The following DOCK5 variants were observed in gnomAD, a reference collection of about 807,000 sequenced individuals.
DOCK5 encodes dedicator of cytokinesis 5, also known as dedicator of cytokinesis protein 5.
In DOCK5, 142 loss-of-function variants were observed where a neutral mutation model predicts 251.8. The observed-to-expected ratio is 0.56, with a 90% CI of 0.49 to 0.65. DOCK5 has a LOEUF of 0.65. Among genes scored for constraint, DOCK5 ranks in the 30% least tolerant of loss-of-function variants. The probability of loss-of-function intolerance (pLI) is 0.00; values close to 1 mark genes in which losing one functional copy is unlikely to be tolerated. For missense variants in DOCK5, 2,111 were observed against 2,312.3 expected, an observed-to-expected ratio of 0.91 and a Z score of 1.79; for synonymous variants, 842 against 835.5, an observed-to-expected ratio of 1.01 and a Z score of -0.13.
intron 6 of DOCK5, among the ~76,000 whole-genome samples, chr8:25,292,954 T>C (rs1341722231): frequency 6.6e-6 from 1 of 152,214 alleles, no homozygotes; most frequent in African/African-American, 2.4e-5. Context: ...GTTTGTAGCC[T>C]GTTGATTATG....
intron 12 of DOCK5, 55 bp from the exon 13 acceptor site, chr8:25,310,352 A>C: frequency 6.5e-7 from 1 of 1,528,162 alleles, no homozygotes; most frequent in Non-Finnish European, 8.8e-7. Context: ...CCAGTTACGC[A>C]TGTGTTTTAT....
At chr8:25,323,228 A>G (rs1318970509) in intron 16 of DOCK5, among the ~76,000 whole-genome samples, 1 of 152,220 alleles carries the variant, frequency 6.6e-6, no homozygotes, top group African/African-American at 2.4e-5. Context: ...CTTTCCTGGC[A>G]CTGGAGCTGG....
chr8:25,392,974 G>A, intron 44 of DOCK5, 92 bp downstream of exon 44: 1 of 1,135,348 alleles, frequency 8.8e-7, no homozygotes, highest in Non-Finnish European at 1.3e-6. Flanking sequence ...GTTCACACCA[G>A]CTTGGCCAGC....
intron 5 of DOCK5, among the ~76,000 whole-genome samples, chr8:25,287,234 C>T (rs1220388640): frequency 1.3e-5 from 2 of 152,194 alleles, no homozygotes; most frequent in African/African-American, 2.4e-5. Context: ...CGAGGCCAGC[C>T]TGGCCAGTAT....
In DOCK5 at chr8:25,332,302, A is replaced by G. The variant is rs757932237; in HGVS notation, c.1955A>G (p.His652Arg). Reference protein sequence around the residue: ...NWRSNSQNIKHNLKKLMEVDG... With the variant: ...NWRSNSQNIKRNLKKLMEVDG... ...CGTTCCAACTCCCAGAACATTAAAC[A>G]CAACCTAAAGAAGTTAATGGAAGTG... The change falls in exon 19 of 52, where the codon CAC becomes CGC. Residue 652 changes from histidine (H) to arginine (R), a missense_variant. Physicochemically the swap from His to Arg is conservative, Grantham distance 29. This residue lies in a region of DOCK5 where 1,717 missense variants were observed against 1,892.4 expected (regional missense o/e 0.91). Coordinates refer to ENST00000276440, the MANE Select transcript of DOCK5 (RefSeq NM_024940.8). The G allele has an allele frequency of 6.2e-7, 1 of 1,613,626 alleles. No homozygotes were observed. Among genetic ancestry groups the G allele is most frequent in the Non-Finnish European group, 8.5e-7 (1 of 1,179,684 alleles).
intron 11 of DOCK5, among the ~76,000 whole-genome samples, chr8:25,306,202 G>A (rs1804919674): frequency 6.6e-6 from 1 of 152,006 alleles, no homozygotes; most frequent in South Asian, 2.1e-4. Context: ...AAAATAAAAT[G>A]CACTTACCTT....
In DOCK5 at chr8:25,366,211, C is replaced by T. The variant is rs113147665; in HGVS notation, c.3124-659C>T. Among the ~76,000 whole-genome samples the T allele has an allele frequency of 9.0e-3, 1,371 of 152,262 alleles. 17 individuals are homozygous for T. The highest frequency in any genetic ancestry group is 0.031 in the African/African-American group (1,295 of 41,540). On this transcript the variant is annotated intron_variant, in intron 30 of 51. Coordinates refer to ENST00000276440, the MANE Select transcript of DOCK5 (RefSeq NM_024940.8). ...AATATTTAAAAATATTCGTGCTTGG[C>T]TGGGCACGGTGGCTCACGCCTATAG...
At chr8:25,185,514 C>T (rs1209575407) in intron 1 of DOCK5, among the ~76,000 whole-genome samples, 1 of 151,954 alleles carries the variant, frequency 6.6e-6, no homozygotes, top group Non-Finnish European at 1.5e-5. Flanking sequence ...AGAGTCGTGG[C>T]GTGGAAGTGA....
intron 39 of DOCK5, among the ~76,000 whole-genome samples, chr8:25,381,949 C>T (rs1409890661): frequency 6.6e-6 from 1 of 152,158 alleles, no homozygotes; most frequent in Admixed American, 6.5e-5. Context: ...TTATAATTTA[C>T]CAGACACTTT....
At chr8:25,380,664 A>G (rs577150234) in intron 39 of DOCK5, among the ~76,000 whole-genome samples, 3 of 152,218 alleles carry the variant, frequency 2.0e-5, no homozygotes, top group Non-Finnish European at 2.9e-5. Context: ...TTCAGATAGT[A>G]GTGACTCGCT....
intron 1 of DOCK5, among the ~76,000 whole-genome samples, chr8:25,207,107 G>A (rs914160248): frequency 2.0e-5 from 3 of 152,280 alleles, no homozygotes; most frequent in African/African-American, 7.2e-5. Context: ...ACTTTGCAGA[G>A]CTTTCTATGA....
chr8:25,375,950 T>C, intron 37 of DOCK5: 1 of 732,912 alleles, frequency 1.4e-6, no homozygotes, highest in Non-Finnish European at 1.7e-6. Flanking sequence ...ATACAAAAAA[T>C]TAGCAGGCGT....
rs1293615198 is a variant in DOCK5, at chr8:25,411,323, G to A, written c.*25G>A. On this transcript the variant is annotated 3_prime_UTR_variant, in exon 52 of 52. Coordinates refer to ENST00000276440, the MANE Select transcript of DOCK5 (RefSeq NM_024940.8). ...AGGATCTTGCCCTCCCTGCAACACC[G>A]AGTGCCTTAGACAGCTGCTGCCTGA... 2.8e-6 allele frequency: 4 copies of A among 1,442,626 alleles called. No individual in the cohort carries two copies. Among genetic ancestry groups the A allele is most frequent in the Admixed American group, 3.0e-5 (1 of 32,792 alleles). 89.4% of individuals were successfully genotyped at this position (1,442,626 alleles called of 1,614,324 possible). A position where few individuals can be genotyped will look rare whatever the true frequency, so the allele number is the denominator to read the frequency against.
At chr8:25,228,856 C>T (rs770448625) in intron 1 of DOCK5, among the ~76,000 whole-genome samples, 1 of 152,048 alleles carries the variant, frequency 6.6e-6, no homozygotes, top group Non-Finnish European at 1.5e-5. Flanking sequence ...GAGAATTGAA[C>T]TCTTCGTAAG....
At chr8:25,362,254 T>A (rs1476182220) in intron 28 of DOCK5, among the ~76,000 whole-genome samples, 1 of 152,140 alleles carries the variant, frequency 6.6e-6, no homozygotes, top group Non-Finnish European at 1.5e-5. Context: ...AAAGGAGAAT[T>A]GAACTGAAAT....
At chr8:25,286,170 A>T (rs993606863) in intron 5 of DOCK5, among the ~76,000 whole-genome samples, 1 of 152,142 alleles carries the variant, frequency 6.6e-6, no homozygotes, top group African/African-American at 2.4e-5. Flanking sequence ...TCAAGAACAC[A>T]GAAGGACCCA....
intron 29 of DOCK5, among the ~76,000 whole-genome samples, chr8:25,363,807 G>A (rs1013980345): frequency 6.6e-6 from 1 of 152,212 alleles, no homozygotes; most frequent in Non-Finnish European, 1.5e-5. Flanking sequence ...TCCGCTAGCA[G>A]TGCCTTCCCC....
intron 44 of DOCK5, 144 bp from the exon 45 acceptor site, chr8:25,395,399 A>G (rs539171417): frequency 2.9e-5 from 26 of 901,356 alleles, no homozygotes; most frequent in African/African-American, 1.4e-4. Context: ...GACCCCTGCT[A>G]TAAGTCTAAC....
intron 34 of DOCK5, among the ~76,000 whole-genome samples, chr8:25,371,274 T>A (rs1235887943): frequency 6.6e-6 from 1 of 152,088 alleles, no homozygotes; most frequent in African/African-American, 2.4e-5. Flanking sequence ...GTGGTCTCCA[T>A]CTCTTGACCT....
Sources: allele counts gnomAD v4.1 joint callset (sites outside exome capture counted in the v4.1 genomes callset), GRCh38; gene constraint gnomAD v4.1.1; regional missense constraint gnomAD v4.1.1; transcripts MANE v1.5; gene names NCBI Gene and HGNC (gene_info 2026-07-23, HGNC 2026-07-21).